Variants in MVB12A observed in about 807,000 individuals in gnomAD.
The protein encoded by MVB12A is multivesicular body subunit 12A.
MVB12A carries 30 observed loss-of-function variants against 34.3 expected under a neutral mutation model. The observed-to-expected ratio is 0.88, with a 90% CI of 0.65 to 1.19. The LOEUF (loss-of-function observed/expected upper bound fraction) is 1.19. Ranked by LOEUF, MVB12A falls within the 50% of genes most tolerant of loss-of-function variation. The pLI is 0.00. For synonymous variants in MVB12A, 158 were observed against 158.9 expected (o/e 0.99, Z 0.04); for missense variants, 355 against 369.2 (o/e 0.96, Z 0.31).
chr19:17,409,778 G>A lies in MVB12A; in HGVS notation c.-5+3482G>A, dbSNP rs2074752704. ...TTTTTGTTTTTTTCTTTGAGATGGA[G>A]TCTCGGTCTGTCTCTCAGGCTGGGG... On this transcript the variant is annotated intron_variant, in intron 2 of 6. Coordinates refer to the MVB12A transcript ENST00000528604. 2.0e-5 allele frequency among the ~76,000 whole-genome samples: 3 copies of A among 151,492 alleles called. No individual in the cohort carries two copies. The South Asian group carries it at 6.2e-4, about 32-fold the overall frequency.
intron 2 of MVB12A, chr19:17,414,548 C>A (rs1411523107): frequency 6.6e-6 from 1 of 152,288 alleles, no homozygotes; most frequent in African/African-American, 2.4e-5. Flanking sequence ...TCTTAACCAG[C>A]CCAGGGCTGA....
chr19:17,424,813 T>C, intron 8 of MVB12A, 118 bp from the exon 9 acceptor site: 4 of 1,319,924 alleles, frequency 3.0e-6, no homozygotes, highest in Non-Finnish European at 4.3e-6. Context: ...ACACCATCTC[T>C]CCAGGGCAGA....
At chr19:17,424,174 T>TG in intron 7 of MVB12A, 107 bp downstream of exon 7, 1 of 1,160,186 alleles carries the variant, frequency 8.6e-7, no homozygotes, top group East Asian at 2.4e-5. Flanking sequence ...CATCCTGGGT[T>TG]GGGGCTGGAG....
intron 2 of MVB12A, among the ~76,000 whole-genome samples, chr19:17,407,252 GC>G (rs1232165891): frequency 6.6e-6 from 1 of 152,146 alleles, no homozygotes; most frequent in African/African-American, 2.4e-5. Context: ...GTAGGGACCA[GC>G]CCCACAGGGT....
chr19:17,418,485 C>T (rs1371108771), upstream of MVB12A, among the ~76,000 whole-genome samples: 1 of 151,142 alleles, frequency 6.6e-6, no homozygotes, highest in Non-Finnish European at 1.5e-5. Context: ...CTCCACCTCC[C>T]GGGTTCCAGT....
Position 17,425,225 on chromosome 19 carries a change from T to C in MVB12A, c.*232T>C. On this transcript the variant is annotated 3_prime_UTR_variant, in exon 9 of 9. Coordinates refer to ENST00000317040, the MANE Select transcript of MVB12A (RefSeq NM_138401.4). ...GCCCCCACGCCCTGCCGGGCAGGGC[T>C]GGAGCTGGACAGAAGCCAGTGCCTT... 1.9e-6 allele frequency: 1 copy of C among 528,812 alleles called. No individual in the cohort carries two copies. The highest frequency in any genetic ancestry group is 3.3e-6 in the Non-Finnish European group (1 of 300,406). 32.8% of individuals were successfully genotyped at this position (528,812 alleles called of 1,614,324 possible). A position where few individuals can be genotyped will look rare whatever the true frequency, so the allele number is the denominator to read the frequency against.
intron 2 of MVB12A, among the ~76,000 whole-genome samples, chr19:17,409,236 T>C (rs1017261447): frequency 6.6e-5 from 10 of 151,202 alleles, no homozygotes; most frequent in African/African-American, 2.4e-4. Context: ...GTTGAAGTGA[T>C]TCTTCTGCCT....
upstream of MVB12A, chr19:17,418,335 G>A (rs796293065): frequency 3.1e-5 from 5 of 160,502 alleles, no homozygotes; most frequent in African/African-American, 9.6e-5. Context: ...ACACTTGTTC[G>A]CTATTTTTCT....
chr19:17,420,671 C>A, intron 3 of MVB12A, 37 bp downstream of exon 3: 1 of 1,480,568 alleles, frequency 6.8e-7, no homozygotes, highest in Non-Finnish European at 9.4e-7. Flanking sequence ...TGTCCGGGTC[C>A]CTTGCAGGGA....
At chr19:17,422,244 C>A in intron 3 of MVB12A, 88 bp from the exon 4 acceptor site, 1 of 1,362,628 alleles carries the variant, frequency 7.3e-7, no homozygotes. Flanking sequence ...TTAAACAGCA[C>A]CCTGGCGAGC....
chr19:17,411,911 G>C (rs529963227), intron 2 of MVB12A, among the ~76,000 whole-genome samples: 1 of 152,236 alleles, frequency 6.6e-6, no homozygotes, highest in African/African-American at 2.4e-5. Flanking sequence ...TGTGGCCCCG[G>C]ATGGGCTTCT....
At chr19:17,417,666 T>TA (rs2074809945), upstream of MVB12A, 2 of 151,902 alleles carry the variant, frequency 1.3e-5, no homozygotes, top group Middle Eastern at 3.4e-3. Context: ...TTAAATAAAA[T>TA]AAAAAATAAG....
intron 3 of MVB12A, chr19:17,420,886 T>C: frequency 3.0e-6 from 2 of 674,104 alleles, no homozygotes; most frequent in Non-Finnish European, 5.4e-6. Context: ...CCTGTTTCAC[T>C]ACTGTTGTGC....
intron 4 of MVB12A, 133 bp from the exon 5 acceptor site, chr19:17,423,365 A>C: frequency 5.1e-6 from 6 of 1,183,552 alleles, no homozygotes; most frequent in Middle Eastern, 3.1e-4. Flanking sequence ...GTCCCCAAAA[A>C]AAAAAAAAAA....
In MVB12A at chr19:17,420,213, G is replaced by T; in HGVS notation, c.78G>T (p.Arg26=). The T allele has an allele frequency of 1.4e-6, 2 of 1,477,906 alleles. No homozygotes were observed. Among genetic ancestry groups the T allele is most frequent in the East Asian group, 2.5e-5 (1 of 40,280 alleles). The allele number at this position is 1,477,906 out of a possible 1,614,324, so 91.5% of individuals were successfully genotyped here. A position where few individuals can be genotyped will look rare whatever the true frequency, so the allele number is the denominator to read the frequency against. The part of the protein sequence containing the change: ...AWSSASAPPP[R]GFSAISCTVE... The stretch of plus-strand genomic sequence containing the variant: ...CGTCGGCCTCTGCACCCCCGCCGCG[G>T]GGGTTCAGCGCGGTGAGCGGCGTCG... The change falls in exon 1 of 9, where the codon CGG becomes CGT. Residue 26 remains arginine, a synonymous_variant. Coordinates refer to ENST00000317040, the MANE Select transcript of MVB12A (RefSeq NM_138401.4).
intron 5 of MVB12A, 23 bp downstream of exon 5, chr19:17,423,640 G>A (rs776986817): frequency 4.3e-6 from 7 of 1,613,364 alleles, no homozygotes; most frequent in African/African-American, 4.0e-5. Flanking sequence ...GCACCGGAGT[G>A]GGGGTGGCCG....
intron 3 of MVB12A, among the ~76,000 whole-genome samples, chr19:17,421,740 C>T (rs56229622): frequency 0.36 from 55,199 of 151,288 alleles, 10,393 homozygotes; most frequent in Non-Finnish European, 0.43. Flanking sequence ...TCAGGAGTTC[C>T]AGACCAGCCT....
chr19:17,412,075 C>T (rs1009822739), intron 2 of MVB12A, among the ~76,000 whole-genome samples: 13 of 152,148 alleles, frequency 8.5e-5, no homozygotes, highest in African/African-American at 3.1e-4. Context: ...CTCAACACTA[C>T]AGTGTACAGG....
In MVB12A at chr19:17,420,411, G is replaced by T. The variant is rs749862982; in HGVS notation, c.189G>T (p.Glu63Asp). ...FLCLSSLGSLENPQENVVADI... is the reference protein window; with the variant it reads ...FLCLSSLGSLDNPQENVVADI... ...GCCTTAGTTCTCTGGGCAGCCTAGAGGTAAGAGGTGCCCACCTTCGGAACC... is the reference window on the plus strand; with the variant it reads ...GCCTTAGTTCTCTGGGCAGCCTAGATGTAAGAGGTGCCCACCTTCGGAACC... Residue 63 changes from glutamate to aspartate, a missense_variant and splice_region_variant, in exon 2 of 9, where the codon GAG becomes GAT. By Grantham distance (45) the Glu-to-Asp change is conservative. Transcript: ENST00000317040. The T allele has an allele frequency of 3.7e-6, 6 of 1,613,914 alleles. No individual in the cohort carries two copies. Among genetic ancestry groups the T allele is most frequent in the Admixed American group, 1.7e-5 (1 of 60,000 alleles).
Sources: allele counts gnomAD v4.1 joint callset (sites outside exome capture counted in the v4.1 genomes callset), GRCh38; gene constraint gnomAD v4.1.1; transcripts MANE v1.5; gene names NCBI Gene and HGNC (gene_info 2026-07-23, HGNC 2026-07-21).